The following BLTP3A variants were observed in gnomAD, a reference collection of about 807,000 sequenced individuals.
BLTP3A encodes bridge-like lipid transfer protein family member 3A, also known as ICBP90 binding protein 1.
At chr6:34,802,394 G>A in the BLTP3A span, among the ~76,000 whole-genome samples, 6 of 149,774 alleles carry the variant, frequency 4.0e-5, no homozygotes, top group South Asian at 1.3e-3. Context: ...TTTTGAGACG[G>A]AGTCTTGCCA....
chr6:34,856,644 T>C, the BLTP3A span: 1 of 1,170,080 alleles, frequency 8.5e-7, no homozygotes, highest in Non-Finnish European at 1.2e-6. Flanking sequence ...AATAATATCA[T>C]TTTTGAGTTC....
the BLTP3A span, among the ~76,000 whole-genome samples, chr6:34,809,776 G>A: frequency 6.6e-6 from 1 of 151,892 alleles, no homozygotes; most frequent in Non-Finnish European, 1.5e-5. Context: ...AGGTGGTCTC[G>A]AACTCCTGGC....
At chr6:34,836,810 TC>T in the BLTP3A span, among the ~76,000 whole-genome samples, 9 of 152,334 alleles carry the variant, frequency 5.9e-5, no homozygotes, top group East Asian at 1.7e-3. Flanking sequence ...AATGTTCTCT[TC>T]CCAAGCAAGG....
chr6:34,856,884 C>G, the BLTP3A span: 1 of 1,614,208 alleles, frequency 6.2e-7, no homozygotes, highest in Non-Finnish European at 8.5e-7. Context: ...ACCGCTTACG[C>G]TCTAGCTGCA....
chr6:34,858,793 G>A, the BLTP3A span: 2 of 1,614,094 alleles, frequency 1.2e-6, no homozygotes, highest in Non-Finnish European at 1.7e-6. Context: ...GCTGGAGGAT[G>A]TAGCAGATGT....
At chr6:34,811,583 C>CA in the BLTP3A span, among the ~76,000 whole-genome samples, 1 of 151,922 alleles carries the variant, frequency 6.6e-6, no homozygotes, top group African/African-American at 2.4e-5. Context: ...AAAAAAAGGC[C>CA]AGGCACCTGT....
chr6:34,857,843 G>GCTAT, the BLTP3A span: 9 of 1,614,158 alleles, frequency 5.6e-6, no homozygotes, highest in Non-Finnish European at 7.6e-6. Context: ...GCAGTTCAAA[G>GCTAT]CTATCTACAA....
chr6:34,837,210 T>C, the BLTP3A span, among the ~76,000 whole-genome samples: 1 of 152,226 alleles, frequency 6.6e-6, no homozygotes, highest in Non-Finnish European at 1.5e-5. Context: ...TCTTGCTGGC[T>C]TATCTTCTCT....
the BLTP3A span, chr6:34,867,611 G>T: frequency 1.2e-6 from 2 of 1,612,354 alleles, no homozygotes; most frequent in Middle Eastern, 4.0e-4. Flanking sequence ...CATGGACAGT[G>T]CCCAGGTAAG....
At chr6:34,815,923 G>A in the BLTP3A span, among the ~76,000 whole-genome samples, 1 of 152,180 alleles carries the variant, frequency 6.6e-6, no homozygotes, top group African/African-American at 2.4e-5. Context: ...TGGGATTACA[G>A]GTGTGAGCAA....
At chr6:34,872,476 T>C in the BLTP3A span, 6 of 1,584,198 alleles carry the variant, frequency 3.8e-6, no homozygotes, top group Admixed American at 1.8e-5. Context: ...GGAGAGAGGC[T>C]ATCACCAGCA....
the BLTP3A span, among the ~76,000 whole-genome samples, chr6:34,817,110 G>A: frequency 3.3e-5 from 5 of 152,196 alleles, no homozygotes; most frequent in Admixed American, 6.5e-5. Flanking sequence ...AGAGTCCTTA[G>A]GGGCATGCAC....
At chr6:34,867,444 C>G in the BLTP3A span, 1 of 1,613,656 alleles carries the variant, frequency 6.2e-7, no homozygotes, top group East Asian at 2.2e-5. Context: ...GGACTTAAAA[C>G]TAAGAGAATC....
At chr6:34,837,799 C>T in the BLTP3A span, among the ~76,000 whole-genome samples, 17 of 152,212 alleles carry the variant, frequency 1.1e-4, no homozygotes, top group South Asian at 2.9e-3. Context: ...TTGCCACTCA[C>T]TCATTTTGGA....
At chr6:34,809,692 G>A in the BLTP3A span, among the ~76,000 whole-genome samples, 1 of 151,918 alleles carries the variant, frequency 6.6e-6, no homozygotes, top group African/African-American at 2.4e-5. Flanking sequence ...CAGCCTCTGA[G>A]TACTGGAGTG....
the BLTP3A span, chr6:34,821,439 TGTTC>T: frequency 2.5e-6 from 1 of 406,998 alleles, no homozygotes; most frequent in Non-Finnish European, 4.4e-6. Context: ...TGAGTGCATT[TGTTC>T]TGGCTGGTCT....
chr6:34,820,960 G>GTTT, the BLTP3A span, among the ~76,000 whole-genome samples: 2 of 134,306 alleles, frequency 1.5e-5, no homozygotes, highest in Non-Finnish European at 3.2e-5. Flanking sequence ...CCCTCTGTCT[G>GTTT]TTTTTTTTTT....
the BLTP3A span, among the ~76,000 whole-genome samples, chr6:34,841,820 A>G: frequency 6.6e-6 from 1 of 152,160 alleles, no homozygotes; most frequent in Admixed American, 6.5e-5. Context: ...AAAAAATCAA[A>G]CTGGAGCTCA....
At chr6:34,836,236 C>T in the BLTP3A span, 2 of 1,614,214 alleles carry the variant, frequency 1.2e-6, no homozygotes, top group African/African-American at 1.3e-5. Flanking sequence ...ACAGCAGCAG[C>T]AGCCGCCTCA....
Sources: gnomAD v4.1 joint callset for allele counts (sites outside exome capture counted in the v4.1 genomes callset) on GRCh38, gnomAD v4.1.1 for gene constraint, MANE v1.5 for transcripts, NCBI Gene and HGNC (gene_info 2026-07-23, HGNC 2026-07-21) for gene names.